The following SYNM variants were observed in gnomAD, a reference collection of about 807,000 sequenced individuals.
The protein encoded by SYNM is synemin.
Under a neutral mutation model 104.0 loss-of-function variants are expected in SYNM, and 95 were observed. The observed-to-expected ratio is 0.91, with a 90% CI of 0.77 to 1.08. SYNM has a LOEUF of 1.08. SYNM is among the 50% of genes least tolerant of loss of function. The pLI, the probability that SYNM is intolerant of heterozygous loss-of-function variation, is 0.00. For missense variants in SYNM, 2,150 were observed against 2,052.2 expected (o/e 1.05, Z -0.92); for synonymous variants, 918 against 869.0 (o/e 1.06, Z -0.99).
chr15:99,132,129 G>A lies in SYNM; in HGVS notation c.3769G>A (p.Gly1257Ser). The A allele has an allele frequency of 1.2e-6, 2 of 1,614,000 alleles. No individual in the cohort carries two copies. The highest frequency in any genetic ancestry group is 1.7e-6 in the Non-Finnish European group (2 of 1,179,894). The change falls in exon 4 of 4, where the codon GGT becomes AGT. Residue 1257 changes from glycine to serine, a missense_variant. Gly to Ser is a moderately conservative substitution (Grantham distance 56). Coordinates refer to ENST00000336292, the MANE Select transcript of SYNM (RefSeq NM_145728.3). The stretch of plus-strand genomic sequence containing the variant: ...TTATTTTGCAACAGAAGAGTCAGTG[G>A]GTACCCAGACTTCTGTCAGGCAACT... Reference protein sequence around the residue: ...GDYFATEESVGTQTSVRQLQL... With the variant: ...GDYFATEESVSTQTSVRQLQL...
intron 3 of SYNM, 150 bp from the exon 4 acceptor site, chr15:99,129,217 C>T (rs2067474361): frequency 1.7e-6 from 2 of 1,196,196 alleles, no homozygotes; most frequent in African/African-American, 1.5e-5. Context: ...AATTTGGGCA[C>T]CAAATATAAC....
downstream of SYNM, chr15:99,139,198 T>C (rs531558880): frequency 5.6e-5 from 72 of 1,292,008 alleles, no homozygotes; most frequent in South Asian, 5.2e-4. Flanking sequence ...ATGCAAGTTA[T>C]GGGAAGTCAG....
chr15:99,124,945 G>A (rs2067433621), intron 2 of SYNM, among the ~76,000 whole-genome samples: 1 of 152,244 alleles, frequency 6.6e-6, no homozygotes, highest in Non-Finnish European at 1.5e-5. Context: ...CCAGCCAGAA[G>A]CCCCACGCAG....
At position 99,130,221 on chromosome 15, in the gene SYNM, G is replaced by A. The variant is rs781960912; in HGVS notation, c.1861G>A (p.Gly621Ser). The A allele has an allele frequency of 1.3e-5, 21 of 1,613,786 alleles. No homozygotes were observed. In the South Asian group the frequency reaches 2.3e-4, roughly 18 times the overall value. ...AGCAAGAGAGCTACGGTTCAGGTTG[G>A]GCACCAGTGATGCCACTGGTTCTCT... ...AEARELRFRL[G>S]TSDATGSLQG... The change falls in exon 4 of 4, where the codon GGC (glycine) becomes AGC (serine). Residue 621 changes from glycine to serine, a missense_variant. Gly to Ser is a moderately conservative substitution (Grantham distance 56, BLOSUM62 0). Transcript: ENST00000336292.
chr15:99,137,953 A>G, downstream of SYNM: 2 of 1,608,572 alleles, frequency 1.2e-6, no homozygotes, highest in Non-Finnish European at 1.7e-6. Context: ...GGTGATTTGT[A>G]CAGCACCCTA....
At chr15:99,141,578 A>T in the SYNM span, among the ~76,000 whole-genome samples, 2 of 152,156 alleles carry the variant, frequency 1.3e-5, no homozygotes. Context: ...TAAAAATCGG[A>T]TGAATTGTGC....
chr15:99,106,109 C>T, intron 1 of SYNM, 100 bp downstream of exon 1: 1 of 1,252,936 alleles, frequency 8.0e-7, no homozygotes, highest in South Asian at 2.0e-5. Context: ...ACCAGGGGCG[C>T]GGCGTCGCGG....
chr15:99,118,655 A>G (rs191488320), intron 2 of SYNM, among the ~76,000 whole-genome samples: 1 of 152,310 alleles, frequency 6.6e-6, no homozygotes, highest in Admixed American at 6.5e-5. Flanking sequence ...ATAATTGTAT[A>G]CTTGTAATTT....
In SYNM at chr15:99,131,997, G is replaced by A. The variant is rs1246713885; in HGVS notation, c.3637G>A (p.Asp1213Asn). Residue 1213 changes from aspartate to asparagine, a missense_variant, in exon 4 of 4, where the codon GAT becomes AAT. Asp to Asn is a conservative substitution (Grantham distance 23, BLOSUM62 1). Coordinates refer to ENST00000336292, the MANE Select transcript of SYNM (RefSeq NM_145728.3). The surrounding 1 kb of genome is among the most constrained non-coding windows in gnomAD (Gnocchi z 4.3). ...ACCTGGCCCAGCAGAGTCTTCTGCA[G>A]ATATGGACGGATCAGGGAGGCACAG... ...PEPGPAESSA[D>N]MDGSGRHSTF... 1 of 1,613,898 alleles carries A rather than the reference G, an allele frequency of 6.2e-7. No individual in the cohort carries two copies. Among genetic ancestry groups the A allele is most frequent in the African/African-American group, 1.3e-5 (1 of 74,956 alleles).
chr15:99,114,382 C>T (rs567937288), intron 2 of SYNM, among the ~76,000 whole-genome samples: 4 of 152,106 alleles, frequency 2.6e-5, no homozygotes, highest in African/African-American at 7.2e-5. Flanking sequence ...ATCCAGTCAC[C>T]TCCCACCAGG....
chr15:99,126,433 G>A (rs1328449999), intron 2 of SYNM, among the ~76,000 whole-genome samples: 3 of 152,204 alleles, frequency 2.0e-5, no homozygotes, highest in Non-Finnish European at 4.4e-5. Flanking sequence ...CAGTACTGCC[G>A]AAGCCCTGGC....
At chr15:99,139,964 A>G (rs782191419), downstream of SYNM, 1 of 273,200 alleles carries the variant, frequency 3.7e-6, no homozygotes, top group Non-Finnish European at 7.2e-6. Flanking sequence ...GGCTAGGGCA[A>G]ATCAAGGAGA....
intron 1 of SYNM, among the ~76,000 whole-genome samples, chr15:99,107,291 C>T (rs1189851258): frequency 2.0e-5 from 3 of 152,308 alleles, no homozygotes; most frequent in Admixed American, 1.3e-4. Flanking sequence ...TGTCCCTTTG[C>T]AATGACAGTG....
rs1596131841 is a variant in SYNM, at chr15:99,126,735, G to A, written c.949G>A (p.Gly317Arg). 1 of 1,580,036 alleles carries A rather than the reference G, an allele frequency of 6.3e-7. No individual in the cohort carries two copies. Among genetic ancestry groups the A allele is most frequent in the Non-Finnish European group, 8.6e-7 (1 of 1,162,140 alleles). ...TTATTTTTACAGGGCCTTATTGGAA[G>A]GAGAAAGTAATCCAGAGATAGTGAT... Reference protein sequence around the residue: ...EVATYRALLEGESNPEIVIWA... With the variant: ...EVATYRALLERESNPEIVIWA... The change falls in exon 3 of 4, where the codon GGA becomes AGA. Residue 317 changes from glycine (G) to arginine (R), a missense_variant. Coordinates refer to ENST00000336292, the MANE Select transcript of SYNM (RefSeq NM_145728.3).
At chr15:99,121,308 G>A (rs1324057461) in intron 2 of SYNM, among the ~76,000 whole-genome samples, 4 of 152,066 alleles carry the variant, frequency 2.6e-5, no homozygotes, top group Non-Finnish European at 5.9e-5. Context: ...GCAGCTGCAG[G>A]CAGAGTGCAG....
At chr15:99,109,675 G>C (rs1484816487) in intron 1 of SYNM, among the ~76,000 whole-genome samples, 1 of 152,190 alleles carries the variant, frequency 6.6e-6, no homozygotes, top group Non-Finnish European at 1.5e-5. Context: ...CATTCGTTCA[G>C]CTAACAGCCG....
rs186116529 is a variant in SYNM at position 99,130,074 on chromosome 15, G to T, written c.1714G>T (p.Val572Leu). Residue 572 changes from valine to leucine, a missense_variant, in exon 4 of 4, where the codon GTG (valine) becomes TTG (leucine). Coordinates refer to ENST00000336292, the MANE Select transcript of SYNM (RefSeq NM_145728.3). The stretch of plus-strand genomic sequence containing the variant: ...GAAGGACTCACCGAAGGAGAAGAGC[G>T]TGCGAGAGAGAGAGGTGCCGATTAG... ...KEKDSPKEKS[V>L]REREVPISLE... 7.1e-5 allele frequency: 115 copies of T among 1,613,944 alleles called. No homozygotes were observed. The African/African-American group carries it at 1.3e-3, about 19-fold the overall frequency.
chr15:99,128,009 A>G (rs74032239), intron 3 of SYNM, among the ~76,000 whole-genome samples: 12,023 of 129,948 alleles, frequency 0.093, 542 homozygotes, highest in South Asian at 0.16. Flanking sequence ...TGCTTCATTC[A>G]TTCATTCATT....
chr15:99,131,728 C>G lies in SYNM; in HGVS notation c.3368C>G (p.Ala1123Gly). The G allele has an allele frequency of 6.2e-7, 1 of 1,613,852 alleles. No individual in the cohort carries two copies. The highest frequency in any genetic ancestry group is 8.5e-7 in the Non-Finnish European group (1 of 1,179,894). Residue 1123 changes from alanine (A) to glycine (G), a missense_variant, in exon 4 of 4, where the codon GCT becomes GGT. Ala to Gly is a moderately conservative substitution (Grantham distance 60). Transcript: ENST00000336292. The surrounding 1 kb of genome is among the most constrained non-coding windows in gnomAD (Gnocchi z 4.3). Reference sequence around the variant, plus strand: ...CAGGTGCTGGAGGATGTGAGCCAGGCTGCAAGGCACATAAAACTCGGCCCC... The same window carrying G: ...CAGGTGCTGGAGGATGTGAGCCAGGGTGCAAGGCACATAAAACTCGGCCCC... ...QSQVLEDVSQ[A>G]ARHIKLGPSE...
Sources: gnomAD v4.1 joint callset for allele counts (sites outside exome capture counted in the v4.1 genomes callset) on GRCh38, gnomAD v4.1.1 for gene constraint, Gnocchi (gnomAD v3.1) non-coding constraint, MANE v1.5 for transcripts, NCBI Gene and HGNC (gene_info 2026-07-23, HGNC 2026-07-21) for gene names.